HDAC9: variants seen among roughly 807,000 people sequenced by gnomAD.
HDAC9 encodes histone deacetylase 9.
Under a neutral mutation model 139.4 loss-of-function variants are expected in HDAC9, and 41 were observed. The ratio of observed to expected loss-of-function variants is 0.29; its 90% CI spans 0.23 to 0.38. HDAC9 has a LOEUF of 0.38. HDAC9 is among the 10% of genes least tolerant of loss of function. HDAC9 has a pLI of 1.00. For synonymous variants in HDAC9, 517 were observed against 476.2 expected (o/e 1.09, Z -1.12); for missense variants, 1,147 against 1,297.0 (o/e 0.88, Z 1.78).
At chr7:18,742,430 C>T (rs1287751166) in intron 13 of HDAC9, among the ~76,000 whole-genome samples, 1 of 152,146 alleles carries the variant, frequency 6.6e-6, no homozygotes, top group African/African-American at 2.4e-5. Context: ...AAGGTATGTA[C>T]ATTGGTTTCT....
chr7:18,467,819 C>T lies in HDAC9; in HGVS notation c.-41-28443C>T, dbSNP rs557752921. On this transcript the variant is annotated intron_variant, in intron 1 of 3. Transcript: ENST00000413509. Reference sequence around the variant, plus strand: ...TTCCCCTTGTGTCCTCTTCCTGTTCCGGTATTCCATCTGGTATACAATATT... The same window carrying T: ...TTCCCCTTGTGTCCTCTTCCTGTTCTGGTATTCCATCTGGTATACAATATT... Among the ~76,000 whole-genome samples the T allele has an allele frequency of 6.0e-4, 92 of 152,218 alleles. 2 individuals are homozygous for T. Among genetic ancestry groups the T allele is most frequent in the Middle Eastern group, 6.8e-3 (2 of 294 alleles).
chr7:18,514,080 A>T (rs1048363339), intron 2 of HDAC9, among the ~76,000 whole-genome samples: 3 of 152,208 alleles, frequency 2.0e-5, no homozygotes, highest in Non-Finnish European at 2.9e-5. Flanking sequence ...AATTGTTATG[A>T]CTTATCTAGC....
chr7:18,551,915 T>C (rs902825610), intron 2 of HDAC9, among the ~76,000 whole-genome samples: 1 of 152,226 alleles, frequency 6.6e-6, no homozygotes, highest in South Asian at 2.1e-4. Context: ...TTTTATGTAT[T>C]ATTATCTTAG....
intron 1 of HDAC9, among the ~76,000 whole-genome samples, chr7:18,370,244 T>G (rs1364319825): frequency 6.6e-6 from 1 of 152,154 alleles, no homozygotes; most frequent in Non-Finnish European, 1.5e-5. Flanking sequence ...CTAGTTAGAA[T>G]CCCATAAATC....
At chr7:18,494,608 G>A (rs1796638004), upstream of HDAC9, among the ~76,000 whole-genome samples, 1 of 151,980 alleles carries the variant, frequency 6.6e-6, no homozygotes, top group African/African-American at 2.4e-5. Flanking sequence ...ATATAGAAAG[G>A]ATATAAATGT....
chr7:18,089,927 GTTTGT>G (rs1486297214), intron 1 of HDAC9, among the ~76,000 whole-genome samples: 1 of 87,538 alleles, frequency 1.1e-5, no homozygotes, highest in South Asian at 3.3e-4. Context: ...GTTTTTTTTT[GTTTGT>G]TTTAAAATAC....
chr7:18,114,815 G>A (rs1489342619), intron 1 of HDAC9, among the ~76,000 whole-genome samples: 1 of 152,200 alleles, frequency 6.6e-6, no homozygotes, highest in Non-Finnish European at 1.5e-5. Context: ...AAATATAGCT[G>A]CATACATTGC....
intron 2 of HDAC9, among the ~76,000 whole-genome samples, chr7:18,568,818 C>A (rs1823315142): frequency 6.6e-6 from 1 of 152,014 alleles, no homozygotes; most frequent in Non-Finnish European, 1.5e-5. Flanking sequence ...GAGGCCGAGG[C>A]GGGTGGATCA....
At chr7:18,446,917 A>C (rs1447803321) in intron 1 of HDAC9, among the ~76,000 whole-genome samples, 4 of 152,182 alleles carry the variant, frequency 2.6e-5, no homozygotes, top group Non-Finnish European at 5.9e-5. Flanking sequence ...GTTTCTCTAA[A>C]ATTTTTCACT....
At chr7:18,870,893 G>A (rs565410826) in intron 21 of HDAC9, among the ~76,000 whole-genome samples, 1 of 152,064 alleles carries the variant, frequency 6.6e-6, no homozygotes, top group Non-Finnish European at 1.5e-5. Context: ...GAACCCCTAG[G>A]CTCAAGCAAT....
chr7:18,922,815 G>T (rs1428307369), intron 22 of HDAC9, among the ~76,000 whole-genome samples: 1 of 151,968 alleles, frequency 6.6e-6, no homozygotes, highest in Admixed American at 6.6e-5. Context: ...TGCCACCCTG[G>T]CTCTGTTGCT....
chr7:18,321,053 GAA>G (rs1799992122), intron 1 of HDAC9, among the ~76,000 whole-genome samples: 1 of 152,114 alleles, frequency 6.6e-6, no homozygotes, highest in Non-Finnish European at 1.5e-5. Flanking sequence ...TATTTTCATA[GAA>G]CTTGACCAAA....
chr7:18,630,958 G>C (rs1201237446), intron 7 of HDAC9, among the ~76,000 whole-genome samples: 1 of 152,074 alleles, frequency 6.6e-6, no homozygotes, highest in Non-Finnish European at 1.5e-5. Flanking sequence ...TTCTAGAAAA[G>C]ACAAAACTGA....
chr7:18,104,900 C>T (rs1783102803), intron 1 of HDAC9, among the ~76,000 whole-genome samples: 1 of 151,944 alleles, frequency 6.6e-6, no homozygotes, highest in South Asian at 2.1e-4. Context: ...CTTTTCCTCC[C>T]CCTTTGTTTT....
intron 22 of HDAC9, among the ~76,000 whole-genome samples, chr7:18,916,056 C>CCTTAGT (rs1803181883): frequency 6.8e-6 from 1 of 146,608 alleles, no homozygotes; most frequent in Non-Finnish European, 1.5e-5. Context: ...AGACAAAGAA[C>CCTTAGT]CTTAGTCGTT....
At chr7:18,422,391 T>C (rs1789702789) in intron 1 of HDAC9, among the ~76,000 whole-genome samples, 1 of 152,142 alleles carries the variant, frequency 6.6e-6, no homozygotes, top group Non-Finnish European at 1.5e-5. Flanking sequence ...AGAGATTCAA[T>C]ATTGTCAGGT....
intron 1 of HDAC9, among the ~76,000 whole-genome samples, chr7:18,479,984 C>CTTTTTT (rs753734278): frequency 2.6e-5 from 3 of 116,170 alleles, no homozygotes; most frequent in Non-Finnish European, 3.7e-5. Flanking sequence ...TCCACTCTGT[C>CTTTTTT]TTTTTTTTTT....
rs368576607 is a variant in HDAC9, at chr7:18,711,109, C to T, written c.1732-16471C>T. 1.1e-4 allele frequency among the ~76,000 whole-genome samples: 17 copies of T among 152,194 alleles called. No individual in the cohort carries two copies. The East Asian group carries it at 1.5e-3, about 14-fold the overall frequency. ...TTAAGTGGATCCTCTCATTTAATTT[C>T]GACAACAATCTCTATGCAGTAGATA... On this transcript the variant is annotated intron_variant, in intron 12 of 25. Coordinates refer to ENST00000686413, the MANE Select transcript of HDAC9 (RefSeq NM_178425.4).
intron 8 of HDAC9, among the ~76,000 whole-genome samples, chr7:18,638,144 T>C (rs894810522): frequency 4.6e-5 from 7 of 152,110 alleles, no homozygotes; most frequent in Non-Finnish European, 7.4e-5. Flanking sequence ...GCAACACTGG[T>C]AAGTTTTCGT....
Sources: gnomAD v4.1 joint callset for allele counts (sites outside exome capture counted in the v4.1 genomes callset) on GRCh38, gnomAD v4.1.1 for gene constraint, MANE v1.5 for transcripts, NCBI Gene and HGNC (gene_info 2026-07-23, HGNC 2026-07-21) for gene names.